The following BLMH variants were observed in gnomAD, a reference collection of about 807,000 sequenced individuals.
BLMH encodes the protein bleomycin hydrolase, also known as BLM hydrolase.
Under a neutral mutation model 61.6 loss-of-function variants are expected in BLMH, and 32 were observed. The ratio of observed to expected loss-of-function variants is 0.52; its 90% CI spans 0.39 to 0.70. BLMH has a LOEUF of 0.70. Ranked by LOEUF, BLMH falls within the 30% of genes least tolerant of loss-of-function variation. The pLI, the probability that BLMH is intolerant of heterozygous loss-of-function variation, is 0.00. For missense variants in BLMH, 460 were observed against 555.5 expected (o/e 0.83, Z 1.73); for synonymous variants, 183 against 193.8 (o/e 0.94, Z 0.46).
intron 6 of BLMH, among the ~76,000 whole-genome samples, chr17:30,284,342 A>T (rs1352505530): frequency 6.6e-6 from 1 of 152,242 alleles, no homozygotes; most frequent in Non-Finnish European, 1.5e-5. Context: ...ACTAGAGCTC[A>T]GATAGCCTGA....
chr17:30,261,430 TG>T (rs1248069892), intron 11 of BLMH, among the ~76,000 whole-genome samples: 1 of 152,236 alleles, frequency 6.6e-6, no homozygotes, highest in African/African-American at 2.4e-5. Context: ...CTTTATGTCC[TG>T]AGTACCTCCA....
chr17:30,251,209 C>T (rs1907658875), intron 11 of BLMH, among the ~76,000 whole-genome samples: 1 of 152,108 alleles, frequency 6.6e-6, no homozygotes, highest in Non-Finnish European at 1.5e-5. Flanking sequence ...AACCAAAACC[C>T]ACCTGTTCCC....
At chr17:30,275,399 G>A (rs533443855) in intron 6 of BLMH, among the ~76,000 whole-genome samples, 3 of 152,148 alleles carry the variant, frequency 2.0e-5, no homozygotes, top group Non-Finnish European at 2.9e-5. Context: ...AGTGGCTCAC[G>A]CCTGTAATCC....
At chr17:30,277,959 A>G (rs2143024695) in intron 6 of BLMH, among the ~76,000 whole-genome samples, 1 of 151,892 alleles carries the variant, frequency 6.6e-6, no homozygotes, top group East Asian at 1.9e-4. Flanking sequence ...AAAACTTTGT[A>G]ACTTGAGACA....
chr17:30,291,922 CGCA>C lies in BLMH; in HGVS notation c.-106_-104del. On this transcript the variant is annotated 5_prime_UTR_variant, in exon 1 of 12. Coordinates refer to ENST00000261714, the MANE Select transcript of BLMH (RefSeq NM_000386.4). ...TGCCTAGGGGGCCCGACCTGTCTCT[CGCA>C]CCCGGAGCGCCGGAAAAAGGAAACC... 8.2e-7 allele frequency: 1 copy of C among 1,218,610 alleles called. No homozygotes were observed. The highest frequency in any genetic ancestry group is 1.0e-6 in the Non-Finnish European group (1 of 960,638). 75.5% of individuals were successfully genotyped at this position (1,218,610 alleles called of 1,614,324 possible).
chr17:30,281,661 T>C (rs529611283), intron 6 of BLMH, among the ~76,000 whole-genome samples: 23 of 152,078 alleles, frequency 1.5e-4, no homozygotes, highest in African/African-American at 5.6e-4. Flanking sequence ...TTCCAAAATA[T>C]ACCCTGAAAA....
At chr17:30,277,536 G>A (rs1908455548) in intron 6 of BLMH, among the ~76,000 whole-genome samples, 1 of 152,198 alleles carries the variant, frequency 6.6e-6, no homozygotes, top group African/African-American at 2.4e-5. Context: ...ATGTAGTAGT[G>A]GAACCATTTC....
At chr17:30,266,856 T>C (rs1175579162) in intron 11 of BLMH, 29 bp downstream of exon 11, 1 of 1,602,806 alleles carries the variant, frequency 6.2e-7, no homozygotes, top group Admixed American at 1.7e-5. Flanking sequence ...CCCAGTCACC[T>C]GGAGTTAGTA....
In BLMH at chr17:30,274,149, T is replaced by A; in HGVS notation, c.694A>T (p.Thr232Ser). Reference protein sequence around the residue: ...ICLGNPPETFTWEYRDKDKNY... With the variant: ...ICLGNPPETFSWEYRDKDKNY... The stretch of plus-strand genomic sequence containing the variant: ...TTATCTTTGTCTCGATATTCCCAGG[T>A]GAATGTCTCTGGTGGATTACCCAAA... The change falls in exon 7 of 12, where the codon ACC (threonine) becomes TCC (serine). Residue 232 changes from threonine to serine, a missense_variant. This residue lies in a region of BLMH where 310 missense variants were observed against 371.1 expected (regional missense o/e 0.84). Transcript: ENST00000261714. 6.2e-7 allele frequency: 1 copy of A among 1,614,104 alleles called. No individual in the cohort carries two copies. Among genetic ancestry groups the A allele is most frequent in the Non-Finnish European group, 8.5e-7 (1 of 1,180,020 alleles).
intron 11 of BLMH, among the ~76,000 whole-genome samples, chr17:30,266,526 AAAAAAAAAAAAAG>A (rs1163419083): frequency 7.0e-6 from 1 of 142,992 alleles, no homozygotes; most frequent in African/African-American, 2.9e-5. Flanking sequence ...CTCTGTCCAA[AAAAAAAAAAAAAG>A]AAAAAAAAAA....
At chr17:30,250,479 G>A (rs1398196785) in intron 11 of BLMH, among the ~76,000 whole-genome samples, 1 of 152,096 alleles carries the variant, frequency 6.6e-6, no homozygotes, top group Non-Finnish European at 1.5e-5. Flanking sequence ...CAACAAACAT[G>A]AAAAAATGCT....
chr17:30,288,409 G>C (rs1395023642), intron 3 of BLMH, among the ~76,000 whole-genome samples: 1 of 152,122 alleles, frequency 6.6e-6, no homozygotes, highest in Admixed American at 6.5e-5. Flanking sequence ...CTAGGCTGGA[G>C]TGCAGTGGTG....
intron 11 of BLMH, among the ~76,000 whole-genome samples, chr17:30,251,333 G>T (rs998225404): frequency 6.6e-6 from 1 of 152,170 alleles, no homozygotes; most frequent in African/African-American, 2.4e-5. Flanking sequence ...TTGCTAATAA[G>T]AAGAGCAAAA....
intron 6 of BLMH, among the ~76,000 whole-genome samples, chr17:30,284,345 T>C (rs1178962758): frequency 1.3e-5 from 2 of 152,228 alleles, no homozygotes; most frequent in Non-Finnish European, 1.5e-5. Flanking sequence ...AGAGCTCAGA[T>C]AGCCTGACTT....
At chr17:30,289,579 A>G in intron 2 of BLMH, 97 bp from the exon 3 acceptor site, 1 of 686,852 alleles carries the variant, frequency 1.5e-6, no homozygotes, top group South Asian at 3.4e-5. Context: ...CACGATCTGG[A>G]CAATTCAGAA....
At chr17:30,281,687 G>T (rs1238649968) in intron 6 of BLMH, among the ~76,000 whole-genome samples, 1 of 152,076 alleles carries the variant, frequency 6.6e-6, no homozygotes, top group East Asian at 1.9e-4. Flanking sequence ...TTGTTTCTGA[G>T]ATGGGGTCTC....
At chr17:30,252,440 T>C (rs1312389070) in intron 11 of BLMH, among the ~76,000 whole-genome samples, 1 of 145,742 alleles carries the variant, frequency 6.9e-6, no homozygotes, top group Non-Finnish European at 1.5e-5. Flanking sequence ...CTCACACCTA[T>C]AATTTCAGCA....
chr17:30,287,950 A>G lies in BLMH; in HGVS notation c.322-3T>C, dbSNP rs1417460360. 2.4e-5 allele frequency: 38 copies of G among 1,604,038 alleles called. No homozygotes were observed. Among genetic ancestry groups the G allele is most frequent in the Non-Finnish European group, 3.2e-5 (38 of 1,176,758 alleles). On this transcript the variant is annotated splice_polypyrimidine_tract_variant and splice_region_variant and intron_variant, in intron 3 of 11. Transcript: ENST00000261714. ...AAGAAGAAATAACAGCGTTCAACCT[A>G]AAGAGTAAAGAAAGTTAAATAACAT...
intron 11 of BLMH, among the ~76,000 whole-genome samples, chr17:30,251,287 AAACTT>A (rs1567829895): frequency 6.6e-6 from 1 of 152,198 alleles, no homozygotes; most frequent in Non-Finnish European, 1.5e-5. Flanking sequence ...GATCTCCAAA[AAACTT>A]AAATGGGAAA....
Sources: gnomAD v4.1 joint callset for allele counts (sites outside exome capture counted in the v4.1 genomes callset) on GRCh38, gnomAD v4.1.1 for gene constraint, gnomAD v4.1.1 regional missense constraint, MANE v1.5 for transcripts, NCBI Gene and HGNC (gene_info 2026-07-23, HGNC 2026-07-21) for gene names.